CYB5R4: variants seen among roughly 807,000 people sequenced by gnomAD.
CYB5R4 encodes the protein N-terminal cytochrome b5 and cytochrome b5 oxidoreductase domain-containing protein.
A neutral mutation model predicts 70.2 loss-of-function variants in CYB5R4; 55 were observed. The observed-to-expected ratio is 0.78, with a 90% CI of 0.63 to 0.98. The LOEUF is 0.98. Ranked by LOEUF, CYB5R4 falls within the 50% of genes least tolerant of loss-of-function variation. CYB5R4 has a pLI of 0.00. For synonymous variants in CYB5R4, 197 were observed against 199.5 expected (o/e 0.99, Z 0.11); for missense variants, 562 against 612.6 (o/e 0.92, Z 0.87).
At chr6:83,950,534 G>A (rs1483978395) in intron 14 of CYB5R4, among the ~76,000 whole-genome samples, 1 of 152,128 alleles carries the variant, frequency 6.6e-6, no homozygotes, top group Non-Finnish European at 1.5e-5. Context: ...GGTGGGACAG[G>A]TGGTACAGTT....
At chr6:83,917,922 G>T in intron 5 of CYB5R4, 83 bp from the exon 6 acceptor site, 1 of 1,005,570 alleles carries the variant, frequency 9.9e-7, no homozygotes, top group South Asian at 1.4e-5. Flanking sequence ...GAATATATGT[G>T]ATATTTCACT....
At chr6:83,911,127 AGGTGCGGTGGCTCAT>A (rs1436140995) in intron 4 of CYB5R4, among the ~76,000 whole-genome samples, 1 of 152,198 alleles carries the variant, frequency 6.6e-6, no homozygotes, top group Non-Finnish European at 1.5e-5. Flanking sequence ...AGGCCTGGCT[AGGTGCGGTGGCTCAT>A]GCCTGTAATC....
chr6:83,886,537 C>T (rs1283833143), intron 2 of CYB5R4, among the ~76,000 whole-genome samples: 1 of 152,168 alleles, frequency 6.6e-6, no homozygotes, highest in East Asian at 1.9e-4. Context: ...ACAAAGACCA[C>T]ATATTGTATG....
At chr6:83,880,514 T>G (rs2099459271) in intron 2 of CYB5R4, among the ~76,000 whole-genome samples, 1 of 152,134 alleles carries the variant, frequency 6.6e-6, no homozygotes, top group Non-Finnish European at 1.5e-5. Flanking sequence ...AGAATACTTG[T>G]GTAATATTGA....
intron 2 of CYB5R4, among the ~76,000 whole-genome samples, chr6:83,882,250 T>C (rs1182941287): frequency 6.6e-6 from 1 of 152,132 alleles, no homozygotes; most frequent in East Asian, 1.9e-4. Context: ...AGGTGGAGAC[T>C]CAAAGTCTTA....
intron 3 of CYB5R4, among the ~76,000 whole-genome samples, chr6:83,907,529 A>T (rs1249805904): frequency 6.7e-6 from 1 of 150,372 alleles, no homozygotes; most frequent in Admixed American, 6.6e-5. Flanking sequence ...CAGGTTTGTT[A>T]TATAGGTAAA....
intron 10 of CYB5R4, among the ~76,000 whole-genome samples, chr6:83,933,001 G>A (rs1396944235): frequency 3.9e-5 from 6 of 152,092 alleles, no homozygotes; most frequent in Admixed American, 3.3e-4. Context: ...AGTTATTTGC[G>A]TGATTTATAA....
At position 83,963,588 on chromosome 6, in the gene CYB5R4, A is replaced by C. The variant is rs2099473636; in HGVS notation, c.*3710A>C. ...TATTTTGAAGTCATTTTCACCCAGC[A>C]TTGCAAGTTTAGCAGACCTCAAAAC... On this transcript the variant is annotated 3_prime_UTR_variant, in exon 16 of 16. Coordinates refer to ENST00000369681, the MANE Select transcript of CYB5R4 (RefSeq NM_016230.4). 2 of 152,226 alleles carry C rather than the reference A, an allele frequency of 1.3e-5. No homozygotes were observed. The highest frequency in any genetic ancestry group is 1.3e-4 in the Admixed American group (2 of 15,282). The allele number at this position is 152,226 out of a possible 1,614,324, so 9.4% of individuals were successfully genotyped here.
At chr6:83,923,695 A>T (rs2099466789) in intron 9 of CYB5R4, among the ~76,000 whole-genome samples, 1 of 152,154 alleles carries the variant, frequency 6.6e-6, no homozygotes, top group Non-Finnish European at 1.5e-5. Context: ...CATGCACTTT[A>T]TCAATTTACT....
rs1367348374 is a variant in CYB5R4, at chr6:83,960,837, C to T, written c.*959C>T. The T allele has an allele frequency of 1.3e-5, 2 of 152,210 alleles. No homozygotes were observed. Among genetic ancestry groups the T allele is most frequent in the East Asian group, 3.8e-4 (2 of 5,200 alleles). 9.4% of individuals were successfully genotyped at this position (152,210 alleles called of 1,614,324 possible). On this transcript the variant is annotated 3_prime_UTR_variant, in exon 16 of 16. Transcript: ENST00000369681. ...CTTGCATGTGGGCAACTTATTTTCT[C>T]TTCCTGCTGCTTTGTGCAACTGTCA...
chr6:83,917,104 G>A (rs970492370), intron 5 of CYB5R4, among the ~76,000 whole-genome samples: 3 of 151,984 alleles, frequency 2.0e-5, no homozygotes, highest in Admixed American at 6.6e-5. Context: ...GTTTTCTGAA[G>A]TCATTTAAAA....
chr6:83,940,031 A>C, intron 12 of CYB5R4, 25 bp from the exon 13 acceptor site: 1 of 1,294,890 alleles, frequency 7.7e-7, no homozygotes, highest in South Asian at 1.9e-5. Flanking sequence ...TTTTTTTCTG[A>C]TTTAGCTTAT....
chr6:83,870,824 A>G (rs2099457470), intron 2 of CYB5R4, among the ~76,000 whole-genome samples: 1 of 152,162 alleles, frequency 6.6e-6, no homozygotes, highest in Non-Finnish European at 1.5e-5. Context: ...CGCAGAGAGC[A>G]GTGAAAAAAT....
intron 14 of CYB5R4, among the ~76,000 whole-genome samples, chr6:83,945,621 A>G (rs1163384430): frequency 1.3e-5 from 2 of 152,204 alleles, no homozygotes; most frequent in South Asian, 2.1e-4. Context: ...CAAAAAATCA[A>G]TGACTCCAGG....
intron 3 of CYB5R4, among the ~76,000 whole-genome samples, chr6:83,903,198 A>G (rs1273314805): frequency 6.6e-6 from 1 of 152,014 alleles, no homozygotes; most frequent in East Asian, 1.9e-4. Context: ...TATTCCTTCT[A>G]TGTCTAGTTT....
intron 3 of CYB5R4, among the ~76,000 whole-genome samples, chr6:83,898,346 A>T (rs1307165793): frequency 2.0e-5 from 3 of 152,138 alleles, no homozygotes; most frequent in Non-Finnish European, 2.9e-5. Context: ...TACCAGTACC[A>T]TGCTGTTTTG....
At chr6:83,865,801 A>G (rs993088301) in intron 2 of CYB5R4, among the ~76,000 whole-genome samples, 2 of 152,184 alleles carry the variant, frequency 1.3e-5, no homozygotes, top group African/African-American at 2.4e-5. Flanking sequence ...GGCAAAGGGT[A>G]TGGAAACTTC....
At chr6:83,859,911 G>T in intron 1 of CYB5R4, 54 bp downstream of exon 1, 1 of 1,518,778 alleles carries the variant, frequency 6.6e-7, no homozygotes, top group Non-Finnish European at 8.9e-7. Flanking sequence ...AGCTCTGGCA[G>T]TGTGTTCTCT....
chr6:83,960,097 C>T lies in CYB5R4; in HGVS notation c.*219C>T, dbSNP rs1304081160. The T allele has an allele frequency of 2.6e-6, 1 of 385,232 alleles. No homozygotes were observed. The highest frequency in any genetic ancestry group is 4.7e-5 in the Admixed American group (1 of 21,092). 23.9% of individuals were successfully genotyped at this position (385,232 alleles called of 1,614,324 possible). A position where few individuals can be genotyped will look rare whatever the true frequency, so the allele number is the denominator to read the frequency against. ...CTGATATTTGACCTGGAAAGTTAAT[C>T]ATGGCAACAAATACATACAGGATTC... is the stretch of plus-strand genomic sequence containing the variant. On this transcript the variant is annotated 3_prime_UTR_variant, in exon 16 of 16. Coordinates refer to ENST00000369681, the MANE Select transcript of CYB5R4 (RefSeq NM_016230.4).
Sources: gnomAD v4.1 joint callset for allele counts (sites outside exome capture counted in the v4.1 genomes callset) on GRCh38, gnomAD v4.1.1 for gene constraint, MANE v1.5 for transcripts, NCBI Gene and HGNC (gene_info 2026-07-23, HGNC 2026-07-21) for gene names.